ILDR1: variants seen among roughly 807,000 people sequenced by gnomAD.
ILDR1 encodes the protein immunoglobulin-like domain-containing receptor 1.
In ILDR1, 56 loss-of-function variants were observed where a neutral mutation model predicts 62.4. The ratio of observed to expected loss-of-function variants is 0.90; its 90% CI spans 0.72 to 1.12. The LOEUF (loss-of-function observed/expected upper bound fraction) is 1.12. Ranked by LOEUF, ILDR1 falls within the 50% of genes most tolerant of loss-of-function variation. The pLI is 0.00. For missense variants in ILDR1, 736 were observed against 710.6 expected (o/e 1.04, Z -0.41); for synonymous variants, 284 against 277.8 (o/e 1.02, Z -0.22).
the ILDR1 span, among the ~76,000 whole-genome samples, chr3:122,048,428 A>T: frequency 2.1e-4 from 32 of 152,286 alleles, no homozygotes; most frequent in African/African-American, 7.5e-4. Context: ...TCAGGTTAAC[A>T]CTGGCCTTGT....
the ILDR1 span, among the ~76,000 whole-genome samples, chr3:122,036,534 A>G: frequency 6.6e-6 from 1 of 151,716 alleles, no homozygotes; most frequent in Non-Finnish European, 1.5e-5. Flanking sequence ...GCTTGCAGTG[A>G]GCCGAGATCA....
At position 122,006,988 on chromosome 3, in the gene ILDR1, C is replaced by A; in HGVS notation, c.229+3G>T. On this transcript the variant is annotated splice_donor_region_variant and intron_variant, in intron 2 of 7. Coordinates refer to ENST00000344209, the MANE Select transcript of ILDR1 (RefSeq NM_001199799.2). ...AGAGGGCCAAGGGGGTAAGGATACTCACACGCTGAGTAGTAGTCAAAGATA... is the reference window on the plus strand; with the variant it reads ...AGAGGGCCAAGGGGGTAAGGATACTAACACGCTGAGTAGTAGTCAAAGATA... 1 of 1,611,504 alleles carries A rather than the reference C, an allele frequency of 6.2e-7. No homozygotes were observed.
At chr3:121,997,026 G>A (rs1194993223) in intron 5 of ILDR1, among the ~76,000 whole-genome samples, 2 of 152,072 alleles carry the variant, frequency 1.3e-5, no homozygotes, top group South Asian at 2.1e-4. Flanking sequence ...TCAGCCTCCC[G>A]AGTAGCTGGG....
intron 3 of ILDR1, among the ~76,000 whole-genome samples, chr3:122,004,902 T>C (rs2071581118): frequency 6.6e-6 from 1 of 152,134 alleles, no homozygotes. Flanking sequence ...GGGGTTTCAG[T>C]AGGCCCTGAG....
chr3:122,050,306 T>A, the ILDR1 span, among the ~76,000 whole-genome samples: 2 of 152,216 alleles, frequency 1.3e-5, no homozygotes, highest in Non-Finnish European at 2.9e-5. Context: ...TTTTGAAATT[T>A]GTTTTTTGTG....
At chr3:121,999,704 T>C (rs1206886102) in intron 5 of ILDR1, among the ~76,000 whole-genome samples, 1 of 152,118 alleles carries the variant, frequency 6.6e-6, no homozygotes, top group Non-Finnish European at 1.5e-5. Flanking sequence ...AGACCCCCTC[T>C]TGGCCAAGGG....
intron 1 of ILDR1, among the ~76,000 whole-genome samples, chr3:122,015,811 ATCTC>A (rs1036551849): frequency 8.7e-5 from 13 of 148,594 alleles, no homozygotes; most frequent in Admixed American, 8.7e-4. Flanking sequence ...TATTTCCAGA[ATCTC>A]TCTCTCTCTC....
chr3:122,015,870 T>C (rs1209078398), intron 1 of ILDR1, among the ~76,000 whole-genome samples: 1 of 152,168 alleles, frequency 6.6e-6, no homozygotes. Context: ...ATGTCCAGCC[T>C]CCATATCACC....
chr3:121,988,475 C>T lies in ILDR1; in HGVS notation c.1600-67G>A. 3 of 1,259,370 alleles carry T rather than the reference C, an allele frequency of 2.4e-6. No homozygotes were observed. The South Asian group carries it at 3.6e-5, about 15-fold the overall frequency. 78.0% of individuals were successfully genotyped at this position (1,259,370 alleles called of 1,614,324 possible). A position where few individuals can be genotyped will look rare whatever the true frequency, so the allele number is the denominator to read the frequency against. Reference sequence around the variant, plus strand: ...GTGCAATCCGTCTATGCATGTAACACATAATGTGCTCTTGATTTACAAATC... The same window carrying T: ...GTGCAATCCGTCTATGCATGTAACATATAATGTGCTCTTGATTTACAAATC... On this transcript the variant is annotated intron_variant, in intron 7 of 7. Transcript: ENST00000344209.
At chr3:121,988,830 T>C (rs1194871847) in intron 7 of ILDR1, among the ~76,000 whole-genome samples, 1 of 152,234 alleles carries the variant, frequency 6.6e-6, no homozygotes, top group African/African-American at 2.4e-5. Context: ...TTCCCAGCCC[T>C]TTTCTAAAAA....
At chr3:122,002,540 T>C (rs190724621) in intron 3 of ILDR1, among the ~76,000 whole-genome samples, 1 of 152,334 alleles carries the variant, frequency 6.6e-6, no homozygotes, top group South Asian at 2.1e-4. Context: ...AGAGTTTCAG[T>C]TCTAGTGGGC....
the ILDR1 span, among the ~76,000 whole-genome samples, chr3:122,045,112 G>A: frequency 6.6e-6 from 1 of 151,792 alleles, no homozygotes; most frequent in Non-Finnish European, 1.5e-5. Context: ...ATTCTGGTAT[G>A]TTGTGTCTTT....
chr3:121,988,441 A>G (rs114806314), intron 7 of ILDR1, 33 bp from the exon 8 acceptor site: 468 of 1,583,818 alleles, frequency 3.0e-4, no homozygotes, highest in Middle Eastern at 1.0e-3. Context: ...CACAAAAAAA[A>G]TCCAGTCAGT....
At chr3:122,036,025 T>C in the ILDR1 span, among the ~76,000 whole-genome samples, 3 of 152,108 alleles carry the variant, frequency 2.0e-5, no homozygotes, top group African/African-American at 7.2e-5. Flanking sequence ...AACAATGAAG[T>C]CTAGGCTGAG....
At chr3:122,033,832 T>C in the ILDR1 span, among the ~76,000 whole-genome samples, 2 of 152,204 alleles carry the variant, frequency 1.3e-5, no homozygotes, top group East Asian at 3.8e-4. Flanking sequence ...TCTCTTCCAT[T>C]GGTCTATTTG....
chr3:122,022,094 C>T lies in ILDR1; in HGVS notation c.-17G>A. The T allele has an allele frequency of 2.5e-6, 4 of 1,595,190 alleles. No homozygotes were observed. Among genetic ancestry groups the T allele is most frequent in the Non-Finnish European group, 3.4e-6 (4 of 1,170,012 alleles). ...CCATGCCATGCCGCCCCCTTTCTGG[C>T]CCTTTTCAGCTCAGGGGCTTCGGGG... On this transcript the variant is annotated 5_prime_UTR_variant, in exon 1 of 8. Transcript: ENST00000344209.
the ILDR1 span, among the ~76,000 whole-genome samples, chr3:122,034,295 G>A: frequency 1.3e-5 from 2 of 152,130 alleles, no homozygotes; most frequent in Non-Finnish European, 2.9e-5. Context: ...AAAAGTTATA[G>A]ATATTAGTTC....
chr3:122,007,437 A>C, intron 1 of ILDR1: 1 of 512,108 alleles, frequency 2.0e-6, no homozygotes. Context: ...CAACAACAAT[A>C]TAAGGATTGT....
the ILDR1 span, among the ~76,000 whole-genome samples, chr3:122,042,231 A>G: frequency 2.4e-4 from 18 of 75,134 alleles, no homozygotes; most frequent in Non-Finnish European, 2.6e-5. Context: ...CCATGTCCCT[A>G]CAAAGGACAC....
Sources: allele counts gnomAD v4.1 joint callset (sites outside exome capture counted in the v4.1 genomes callset), GRCh38; gene constraint gnomAD v4.1.1; transcripts MANE v1.5; gene names NCBI Gene and HGNC (gene_info 2026-07-23, HGNC 2026-07-21).